The following LUZP2 variants were observed in gnomAD, a reference collection of about 807,000 sequenced individuals.
LUZP2 encodes the protein leucine zipper protein 2.
In LUZP2, 52 loss-of-function variants were observed where a neutral mutation model predicts 51.6. The ratio of observed to expected loss-of-function variants is 1.01; its 90% CI spans 0.81 to 1.27. LUZP2 has a LOEUF of 1.27. Among genes scored for constraint, LUZP2 ranks in the 50% most tolerant of loss-of-function variants. The pLI, the probability that LUZP2 is intolerant of heterozygous loss-of-function variation, is 0.00. For synonymous variants in LUZP2, 154 were observed against 137.3 expected (o/e 1.12, Z -0.85); for missense variants, 436 against 395.4 (o/e 1.10, Z -0.87).
chr11:24,506,838 A>G (rs1414892081), intron 1 of LUZP2, among the ~76,000 whole-genome samples: 3 of 152,124 alleles, frequency 2.0e-5, no homozygotes, highest in Non-Finnish European at 4.4e-5. Flanking sequence ...CATTATTCTA[A>G]GAATGGCTTT....
chr11:24,513,232 T>G (rs1850366434), intron 1 of LUZP2, among the ~76,000 whole-genome samples: 1 of 152,214 alleles, frequency 6.6e-6, no homozygotes, highest in African/African-American at 2.4e-5. Context: ...TTGTATTTGC[T>G]GACATGCAAA....
intron 9 of LUZP2, among the ~76,000 whole-genome samples, chr11:25,024,785 G>GA (rs1857436391): frequency 6.7e-6 from 1 of 149,398 alleles, no homozygotes; most frequent in Non-Finnish European, 1.5e-5. Context: ...CACAGAATTG[G>GA]AAAAAACTAC....
chr11:24,870,750 T>G (rs1852044619), intron 5 of LUZP2, among the ~76,000 whole-genome samples: 1 of 151,994 alleles, frequency 6.6e-6, no homozygotes, highest in Non-Finnish European at 1.5e-5. Flanking sequence ...CTTAAGGGGG[T>G]TTCTCTCGGC....
chr11:24,914,630 T>C, intron 7 of LUZP2, 92 bp downstream of exon 7: 1 of 913,738 alleles, frequency 1.1e-6, no homozygotes, highest in East Asian at 2.7e-5. Context: ...TTTTCTGGAA[T>C]TTCTCATGAA....
chr11:24,664,780 G>A (rs898180486), intron 1 of LUZP2, among the ~76,000 whole-genome samples: 1 of 152,178 alleles, frequency 6.6e-6, no homozygotes, highest in African/African-American at 2.4e-5. Context: ...CAAAATTGAG[G>A]TTTGGGAACC....
At chr11:24,872,597 C>T (rs1852117481) in intron 5 of LUZP2, among the ~76,000 whole-genome samples, 1 of 152,074 alleles carries the variant, frequency 6.6e-6, no homozygotes, top group Non-Finnish European at 1.5e-5. Flanking sequence ...AAATGGAGAG[C>T]AATTTAGGCA....
rs570290029 is a variant in LUZP2, at chr11:24,865,819, A to T, written c.397-40172A>T. The stretch of plus-strand genomic sequence containing the variant: ...GTGTGTATATATAATTTATGTATTT[A>T]TTTTTTTTGAGATGGAGTCTCACTC... On this transcript the variant is annotated intron_variant, in intron 5 of 11. Coordinates refer to ENST00000336930, the MANE Select transcript of LUZP2 (RefSeq NM_001009909.4). Among the ~76,000 whole-genome samples the T allele has an allele frequency of 6.9e-3, 1,026 of 148,876 alleles. 11 individuals are homozygous for T. The highest frequency in any genetic ancestry group is 0.024 in the African/African-American group (967 of 40,296).
intron 7 of LUZP2, among the ~76,000 whole-genome samples, chr11:24,938,057 A>C (rs1312285924): frequency 5.9e-5 from 9 of 152,170 alleles, no homozygotes; most frequent in Admixed American, 3.3e-4. Flanking sequence ...GAATCAGTTT[A>C]TCTCTTTTTA....
At chr11:24,665,063 A>G (rs1565063749) in intron 1 of LUZP2, among the ~76,000 whole-genome samples, 1 of 152,206 alleles carries the variant, frequency 6.6e-6, no homozygotes, top group Non-Finnish European at 1.5e-5. Context: ...ATGAGAAAGT[A>G]GCCAGGAGCA....
chr11:24,938,426 T>C (rs1266725545), intron 7 of LUZP2, among the ~76,000 whole-genome samples: 2 of 152,190 alleles, frequency 1.3e-5, no homozygotes, highest in Non-Finnish European at 2.9e-5. Flanking sequence ...AGAAATTCTT[T>C]AATCTTAGAT....
intron 7 of LUZP2, among the ~76,000 whole-genome samples, chr11:24,959,286 G>A (rs1855317518): frequency 6.6e-6 from 1 of 152,024 alleles, no homozygotes; most frequent in African/African-American, 2.4e-5. Flanking sequence ...TTCCAATTCT[G>A]TGAAGAAAGT....
chr11:24,596,120 T>C (rs867538822), intron 1 of LUZP2, among the ~76,000 whole-genome samples: 4 of 152,284 alleles, frequency 2.6e-5, no homozygotes, highest in Non-Finnish European at 2.9e-5. Context: ...CTTTTATCCG[T>C]TGCAGCTTCA....
intron 1 of LUZP2, among the ~76,000 whole-genome samples, chr11:24,672,972 T>C (rs1590329126): frequency 6.6e-6 from 1 of 152,296 alleles, no homozygotes; most frequent in African/African-American, 2.4e-5. Flanking sequence ...CATAAGAGCC[T>C]GAACCCTATT....
At chr11:24,631,150 T>G (rs1854875555) in intron 1 of LUZP2, among the ~76,000 whole-genome samples, 1 of 151,986 alleles carries the variant, frequency 6.6e-6, no homozygotes, top group Non-Finnish European at 1.5e-5. Context: ...ATATTGATAA[T>G]TTGACTTTCT....
chr11:24,795,794 A>G (rs1018965383), intron 5 of LUZP2, among the ~76,000 whole-genome samples: 2 of 152,102 alleles, frequency 1.3e-5, no homozygotes, highest in Non-Finnish European at 1.5e-5. Flanking sequence ...ATGACTTGCT[A>G]TCAATCTCTT....
chr11:24,866,687 C>G (rs1028542638), intron 5 of LUZP2, among the ~76,000 whole-genome samples: 6 of 152,134 alleles, frequency 3.9e-5, no homozygotes, highest in Non-Finnish European at 7.3e-5. Flanking sequence ...GATTTGTCTG[C>G]CAACATAGTA....
At chr11:24,531,015 A>G (rs952262320) in intron 1 of LUZP2, among the ~76,000 whole-genome samples, 1 of 137,084 alleles carries the variant, frequency 7.3e-6, no homozygotes, top group African/African-American at 3.0e-5. Context: ...CCTTAGCCAC[A>G]GATGGCTTAT....
intron 1 of LUZP2, among the ~76,000 whole-genome samples, chr11:24,633,940 G>A (rs111243678): frequency 7.8e-5 from 9 of 115,722 alleles, no homozygotes; most frequent in African/African-American, 3.1e-4. Flanking sequence ...TCTAACACAC[G>A]TGTGTGTGTG....
intron 1 of LUZP2, among the ~76,000 whole-genome samples, chr11:24,533,819 A>T (rs1386758996): frequency 6.6e-6 from 1 of 151,166 alleles, no homozygotes; most frequent in African/African-American, 2.4e-5. Context: ...AATCCAGCAT[A>T]ATATCTTCTC....
Sources: allele counts gnomAD v4.1 joint callset (sites outside exome capture counted in the v4.1 genomes callset), GRCh38; gene constraint gnomAD v4.1.1; transcripts MANE v1.5; gene names NCBI Gene and HGNC (gene_info 2026-07-23, HGNC 2026-07-21).